AGBL1: variants seen among roughly 807,000 people sequenced by gnomAD.
AGBL1 encodes the protein AGBL carboxypeptidase 1.
A neutral mutation model predicts 118.9 loss-of-function variants in AGBL1; 130 were observed. The ratio of observed to expected loss-of-function variants is 1.09; its 90% CI spans 0.95 to 1.26. AGBL1 has a LOEUF of 1.26. Ranked by LOEUF, AGBL1 falls within the 50% of genes most tolerant of loss-of-function variation. The probability of loss-of-function intolerance (pLI) is 0.00; values close to 1 mark genes in which losing one functional copy is unlikely to be tolerated. For missense variants in AGBL1, 1,584 were observed against 1,298.1 expected (o/e 1.22, Z -3.38); for synonymous variants, 555 against 478.9 (o/e 1.16, Z -2.08).
At position 86,307,368 on chromosome 15, in the gene AGBL1, T is replaced by A. The variant is rs1317993564; in HGVS notation, c.2374+11960T>A. On this transcript the variant is annotated intron_variant, in intron 17 of 22. Transcript: ENST00000614907. ...CATTCATTTAGCAAAGATTTATTGA[T>A]TATTGATCATTTTACTAAATATGGG... 2.0e-5 allele frequency among the ~76,000 whole-genome samples: 3 copies of A among 152,208 alleles called. No homozygotes were observed. In the East Asian group the frequency reaches 5.8e-4, roughly 29 times the overall value.
At chr15:86,872,436 A>G (rs2079743058) in intron 22 of AGBL1, among the ~76,000 whole-genome samples, 1 of 152,172 alleles carries the variant, frequency 6.6e-6, no homozygotes, top group Non-Finnish European at 1.5e-5. Context: ...CCCGCTTACT[A>G]TTATTGCAGA....
intron 22 of AGBL1, among the ~76,000 whole-genome samples, chr15:86,773,865 A>G (rs140178403): frequency 3.9e-5 from 6 of 152,182 alleles, no homozygotes; most frequent in African/African-American, 1.4e-4. Flanking sequence ...TCAGAATGAA[A>G]TATACCAGCT....
intron 6 of AGBL1, among the ~76,000 whole-genome samples, chr15:86,229,339 C>T (rs2078418498): frequency 6.6e-6 from 1 of 152,058 alleles, no homozygotes; most frequent in Non-Finnish European, 1.5e-5. Flanking sequence ...CAAACATGTC[C>T]TTCTTCACAT....
At chr15:86,142,541 G>A (rs980531729) in intron 2 of AGBL1, among the ~76,000 whole-genome samples, 1 of 152,176 alleles carries the variant, frequency 6.6e-6, no homozygotes, top group Non-Finnish European at 1.5e-5. Context: ...AGTTCTTACT[G>A]AGATTTTTGA....
chr15:87,022,815 A>G (rs1365735411), intron 24 of AGBL1, among the ~76,000 whole-genome samples: 1 of 152,094 alleles, frequency 6.6e-6, no homozygotes, highest in Non-Finnish European at 1.5e-5. Flanking sequence ...CAGCTTCCTC[A>G]AACAAAACAA....
intron 18 of AGBL1, among the ~76,000 whole-genome samples, chr15:86,515,697 C>T (rs1355312614): frequency 1.3e-5 from 2 of 152,288 alleles, no homozygotes; most frequent in Non-Finnish European, 2.9e-5. Context: ...TGGCTGGCCT[C>T]AGAATTAGTA....
At chr15:86,724,435 G>A (rs1316260922) in intron 22 of AGBL1, among the ~76,000 whole-genome samples, 1 of 152,040 alleles carries the variant, frequency 6.6e-6, no homozygotes, top group East Asian at 1.9e-4. Context: ...TTTAAGGAAG[G>A]AAGAGGAGTG....
At chr15:87,016,404 A>AGAAT (rs1356355229) in intron 24 of AGBL1, among the ~76,000 whole-genome samples, 1 of 152,196 alleles carries the variant, frequency 6.6e-6, no homozygotes, top group African/African-American at 2.4e-5. Flanking sequence ...TGTGCCTTGA[A>AGAAT]GAATGAGTGG....
At chr15:86,435,186 CAT>C (rs6145669) in intron 18 of AGBL1, among the ~76,000 whole-genome samples, 6,593 of 152,256 alleles carry the variant, frequency 0.043, 225 homozygotes, top group East Asian at 0.14. Context: ...TACATAAGCA[CAT>C]ATGAGTCCCA....
At chr15:86,917,436 T>A (rs2080437584), downstream of AGBL1, among the ~76,000 whole-genome samples, 1 of 152,090 alleles carries the variant, frequency 6.6e-6, no homozygotes, top group African/African-American at 2.4e-5. This position sits in a 1 kb window ranked among gnomAD's most constrained non-coding sequence, Gnocchi z 4.8. Context: ...TAGGGGAGGA[T>A]GTGTGCAAGA....
intron 22 of AGBL1, among the ~76,000 whole-genome samples, chr15:86,754,294 G>T (rs947918343): frequency 6.6e-6 from 1 of 152,044 alleles, no homozygotes; most frequent in Non-Finnish European, 1.5e-5. Flanking sequence ...TATCTTGCTT[G>T]CCCAGCTAGA....
At chr15:86,354,667 G>C (rs1269016469) in intron 17 of AGBL1, among the ~76,000 whole-genome samples, 2 of 152,196 alleles carry the variant, frequency 1.3e-5, no homozygotes, top group African/African-American at 4.8e-5. Context: ...TATATCCATT[G>C]TGGAGGTCAG....
At chr15:86,251,136 G>A (rs1158173194) in intron 7 of AGBL1, among the ~76,000 whole-genome samples, 1 of 152,182 alleles carries the variant, frequency 6.6e-6, no homozygotes, top group East Asian at 1.9e-4. Flanking sequence ...AGCTTTTGAG[G>A]TAGGATCTAT....
rs116231316 is a variant in AGBL1, at chr15:86,753,987, A to G, written c.3158+79551A>G. On this transcript the variant is annotated intron_variant, in intron 22 of 22. Coordinates refer to ENST00000614907, the MANE Select transcript of AGBL1 (RefSeq NM_001386094.1). ...GCATGTTGAGAATCTTACTCATCATATGCTGTGACAATTGTTCCACAGAAA... is the reference window on the plus strand; with the variant it reads ...GCATGTTGAGAATCTTACTCATCATGTGCTGTGACAATTGTTCCACAGAAA... Among the ~76,000 whole-genome samples the G allele has an allele frequency of 5.0e-3, 768 of 152,212 alleles. 7 individuals carry two copies. Among genetic ancestry groups the G allele is most frequent in the African/African-American group, 0.017 (726 of 41,558 alleles).
At chr15:86,239,634 C>A (rs139844031) in intron 6 of AGBL1, among the ~76,000 whole-genome samples, 17 of 152,240 alleles carry the variant, frequency 1.1e-4, no homozygotes, top group African/African-American at 3.6e-4. Context: ...GAACCATAGG[C>A]TATTTATTTG....
At chr15:86,450,654 G>A (rs1488455532) in intron 18 of AGBL1, among the ~76,000 whole-genome samples, 1 of 152,188 alleles carries the variant, frequency 6.6e-6, no homozygotes, top group Non-Finnish European at 1.5e-5. Context: ...TGGGGTTAGA[G>A]ATATTTGGAC....
At chr15:86,391,561 CT>C (rs1399130100) in intron 17 of AGBL1, among the ~76,000 whole-genome samples, 1 of 151,060 alleles carries the variant, frequency 6.6e-6, no homozygotes, top group African/African-American at 2.4e-5. Context: ...GCCATTTCTT[CT>C]ACCCCTTAAT....
chr15:86,478,732 C>T (rs2082599798), intron 18 of AGBL1, among the ~76,000 whole-genome samples: 1 of 152,164 alleles, frequency 6.6e-6, no homozygotes, highest in African/African-American at 2.4e-5. Flanking sequence ...GAAAAAACTA[C>T]TTTAAAGTTC....
At chr15:86,893,475 AAAAC>A (rs777394684) in intron 22 of AGBL1, among the ~76,000 whole-genome samples, 13 of 152,230 alleles carry the variant, frequency 8.5e-5, no homozygotes, top group Admixed American at 6.5e-4. Flanking sequence ...CCCAACCAAG[AAAAC>A]AAACAAAACA....
Sources: allele counts gnomAD v4.1 joint callset (sites outside exome capture counted in the v4.1 genomes callset), GRCh38; gene constraint gnomAD v4.1.1; non-coding constraint Gnocchi (gnomAD v3.1); transcripts MANE v1.5; gene names NCBI Gene and HGNC (gene_info 2026-07-23, HGNC 2026-07-21).